KCP: variants seen among roughly 807,000 people sequenced by gnomAD.
The protein encoded by KCP is kielin/chordin-like protein.
KCP carries 194 observed loss-of-function variants against 212.7 expected under a neutral mutation model. The observed-to-expected ratio is 0.91, with a 90% CI of 0.81 to 1.03. The LOEUF (loss-of-function observed/expected upper bound fraction) is 1.03. KCP is among the 50% of genes least tolerant of loss of function. The pLI, the probability that KCP is intolerant of heterozygous loss-of-function variation, is 0.00. For synonymous variants in KCP, 833 were observed against 865.3 expected, an observed-to-expected ratio of 0.96 and a Z score of 0.65; for missense variants, 2,080 against 2,162.5, an observed-to-expected ratio of 0.96 and a Z score of 0.76.
At position 128,882,117 on chromosome 7, in the gene KCP, C is replaced by T. The variant is rs1031395683; in HGVS notation, c.3245-101G>A. The T allele has an allele frequency of 3.9e-5, 32 of 815,036 alleles. No individual in the cohort carries two copies. The Admixed American group carries it at 7.4e-4, about 19-fold the overall frequency. 50.5% of individuals were successfully genotyped at this position (815,036 alleles called of 1,614,324 possible). On this transcript the variant is annotated intron_variant, in intron 29 of 39. Coordinates refer to ENST00000610776, the MANE Select transcript of KCP (RefSeq NM_001366122.1). ...TGTGTCCCCAGGTTTCTAACTCGAA[C>T]TCCTGAGCATACCCATATCCCAGCA...
intron 8 of KCP, 128 bp downstream of exon 8, chr7:128,902,649 A>T: frequency 1.2e-6 from 1 of 830,288 alleles, no homozygotes; most frequent in Non-Finnish European, 1.9e-6. Flanking sequence ...CCCAGCAGAC[A>T]GCGCCTAGGT....
chr7:128,884,295 C>G (rs966568187), intron 28 of KCP, among the ~76,000 whole-genome samples, 173 bp from the exon 29 acceptor site: 3 of 152,248 alleles, frequency 2.0e-5, no homozygotes, highest in African/African-American at 7.2e-5. Context: ...GCTCCTCACC[C>G]CATGCCCTAG....
In KCP at chr7:128,877,742, C is replaced by A. The variant is rs1183271563; in HGVS notation, c.4360G>T (p.Val1454Leu). 4.5e-6 allele frequency: 7 copies of A among 1,550,612 alleles called. No individual in the cohort carries two copies. Among genetic ancestry groups the A allele is most frequent in the Non-Finnish European group, 6.1e-6 (7 of 1,146,952 alleles). ...TAACCTGCTGCCCGGCACGGATCCA[C>A]CTCTCGGCCTGCAGAACAGGGCCGG... ...PGRPCSAGRE[V>L]DPCRAAGYRA... Residue 1454 changes from valine (V) to leucine (L), a missense_variant, in exon 39 of 40, where the codon GTG (valine) becomes TTG (leucine). Coordinates refer to ENST00000610776, the MANE Select transcript of KCP (RefSeq NM_001366122.1).
At chr7:128,888,273 T>G (rs1014816925) in intron 22 of KCP, among the ~76,000 whole-genome samples, 2 of 108,276 alleles carry the variant, frequency 1.8e-5, no homozygotes, top group Admixed American at 1.8e-4. Context: ...CAGACACACA[T>G]ACACTGTCAC....
In KCP at chr7:128,893,383, C is replaced by G; in HGVS notation, c.1185+8G>C. ...GCAGATCTGGGTGTGAGCGGAGGGA[C>G]CGCCTACCTGGCAGGAGCAGCGGAC... On this transcript the variant is annotated splice_region_variant and intron_variant, in intron 12 of 39. Coordinates refer to ENST00000610776, the MANE Select transcript of KCP (RefSeq NM_001366122.1). The G allele has an allele frequency of 1.3e-6, 2 of 1,551,636 alleles. No homozygotes were observed. The highest frequency in any genetic ancestry group is 1.7e-6 in the Non-Finnish European group (2 of 1,146,936).
chr7:128,878,870 C>T, intron 37 of KCP, 148 bp from the exon 38 acceptor site: 1 of 796,510 alleles, frequency 1.3e-6, no homozygotes, highest in Non-Finnish European at 1.9e-6. Flanking sequence ...TTGGAAGAAA[C>T]ACCACCCTGG....
At position 128,893,608 on chromosome 7, in the gene KCP, GC is replaced by G. The variant is rs984620028; in HGVS notation, c.1100-133del. Reference sequence around the variant, plus strand: ...AGTTCTCCAGGGCGCCCTGCCAGCAGCCCCCTGCCCCCCACAGCTATGCCAC... The same window carrying G: ...AGTTCTCCAGGGCGCCCTGCCAGCAGCCCCTGCCCCCCACAGCTATGCCAC... On this transcript the variant is annotated intron_variant, in intron 11 of 39. Transcript: ENST00000610776. 1.1e-4 allele frequency: 102 copies of G among 949,638 alleles called. No individual in the cohort carries two copies. In the African/African-American group the frequency reaches 1.4e-3, roughly 13 times the overall value. The allele number at this position is 949,638 out of a possible 1,614,324, so 58.8% of individuals were successfully genotyped here.
At chr7:128,881,579 C>A in intron 31 of KCP, 47 bp downstream of exon 31, 1 of 1,343,772 alleles carries the variant, frequency 7.4e-7, no homozygotes. Context: ...TTCCTGTGTT[C>A]CCCCTGGGCT....
chr7:128,884,531 C>T (rs1398946829), intron 28 of KCP, among the ~76,000 whole-genome samples: 2 of 152,326 alleles, frequency 1.3e-5, no homozygotes, highest in East Asian at 1.9e-4. Context: ...CCATACACAC[C>T]CGCCCTGCAC....
At chr7:128,888,448 CCACACACACACAGAGCAA>C (rs1450260100) in intron 22 of KCP, among the ~76,000 whole-genome samples, 7 of 114,800 alleles carry the variant, frequency 6.1e-5, no homozygotes, top group African/African-American at 1.0e-4. Context: ...ATACACACGG[CCACACACACACAGAGCAA>C]CACACACACA....
At position 128,880,660 on chromosome 7, in the gene KCP, G is replaced by T; in HGVS notation, c.3575C>A (p.Ala1192Glu). The T allele has an allele frequency of 1.3e-6, 1 of 746,146 alleles. No individual in the cohort carries two copies. Among genetic ancestry groups the T allele is most frequent in the Non-Finnish European group, 1.9e-6 (1 of 512,936 alleles). 46.2% of individuals were successfully genotyped at this position (746,146 alleles called of 1,614,324 possible). A position where few individuals can be genotyped will look rare whatever the true frequency, so the allele number is the denominator to read the frequency against. The part of the protein sequence containing the change: ...CQALSCPHGW[A>E]KVPQADSCCE... ...GCAGCTGTCAGCCTGGGGCACCTTC[G>T]CCCAGCCATGGGGGCAGGAGAGGGC... Residue 1192 changes from alanine (A) to glutamate (E), a missense_variant, in exon 33 of 40, where the codon GCG (alanine) becomes GAG (glutamate). Coordinates refer to ENST00000610776, the MANE Select transcript of KCP (RefSeq NM_001366122.1).
chr7:128,896,222 C>A (rs927031436), intron 8 of KCP, among the ~76,000 whole-genome samples: 2 of 152,172 alleles, frequency 1.3e-5, no homozygotes, highest in African/African-American at 4.8e-5. Flanking sequence ...GACTGGCGGA[C>A]TGTGGGTAAG....
At position 128,894,211 on chromosome 7, in the gene KCP, G is replaced by C. The variant is rs1057457342; in HGVS notation, c.914C>G (p.Pro305Arg). The C allele has an allele frequency of 6.5e-7, 1 of 1,534,552 alleles. No homozygotes were observed. The highest frequency in any genetic ancestry group is 8.8e-7 in the Non-Finnish European group (1 of 1,136,232). The stretch of plus-strand genomic sequence containing the variant: ...ACCCACTGACTCACCATCACACACA[G>C]GGCAGCAGGTGCCTGGGAGGGGCCG... The part of the protein sequence containing the change: ...PARPLPGTCC[P>R]VCDGCFLNGR... Residue 305 changes from proline (P) to arginine (R), a missense_variant, in exon 9 of 40, where the codon CCT becomes CGT. Pro to Arg is a moderately radical substitution (Grantham distance 103). Transcript: ENST00000610776.
chr7:128,887,581 C>T (rs1262852068), intron 22 of KCP, among the ~76,000 whole-genome samples: 3 of 149,196 alleles, frequency 2.0e-5, no homozygotes, highest in African/African-American at 7.6e-5. Flanking sequence ...GCCCCTCCCC[C>T]TCCACACATA....
chr7:128,908,826 GC>G (rs1234910543), intron 1 of KCP, among the ~76,000 whole-genome samples: 1 of 152,182 alleles, frequency 6.6e-6, no homozygotes, highest in Non-Finnish European at 1.5e-5. Context: ...AACATGAGCA[GC>G]CCCCATCCCC....
At position 128,910,652 on chromosome 7, in the gene KCP, G is replaced by A. The variant is rs1325885092; in HGVS notation, c.25C>T (p.Leu9=). ...GCCCCGAGGTGCAGGAGAAGGGACAGCGCAGCGGCCCCGACCCCGGCCATG... is the reference window on the plus strand; with the variant it reads ...GCCCCGAGGTGCAGGAGAAGGGACAACGCAGCGGCCCCGACCCCGGCCATG... The part of the protein sequence containing the change: MAGVGAAA[L]SLLLHLGALA... The change falls in exon 1 of 40, where the codon CTG becomes TTG. Residue 9 remains leucine (L), a synonymous_variant. Transcript: ENST00000610776. 2.0e-6 allele frequency: 3 copies of A among 1,511,912 alleles called. No individual in the cohort carries two copies. The highest frequency in any genetic ancestry group is 1.4e-5 in the African/African-American group (1 of 69,756). 93.7% of individuals were successfully genotyped at this position (1,511,912 alleles called of 1,614,324 possible).
rs182779184 is a variant in KCP, at chr7:128,890,198, G to C, written c.2335+145C>G. 4.3e-5 allele frequency: 63 copies of C among 1,478,716 alleles called. No homozygotes were observed. The East Asian group carries it at 8.7e-4, about 20-fold the overall frequency. The allele number at this position is 1,478,716 out of a possible 1,614,324, so 91.6% of individuals were successfully genotyped here. On this transcript the variant is annotated intron_variant, in intron 21 of 39. Transcript: ENST00000610776. ...GCCTCCCAAATTGTCGGGGTCACAG[G>C]CTTCAGCTAGGGCTCCCAGCCTCGG...
Position 128,877,013 on chromosome 7 carries a change from T to G in KCP, c.*30A>C, listed in dbSNP as rs548714175. Reference sequence around the variant, plus strand: ...GCTCGCCAAGGGGAGACTCCTGGCCTGATGAACCCTTATCAGGCACTGTCC... The same window carrying G: ...GCTCGCCAAGGGGAGACTCCTGGCCGGATGAACCCTTATCAGGCACTGTCC... On this transcript the variant is annotated 3_prime_UTR_variant, in exon 40 of 40. Coordinates refer to ENST00000610776, the MANE Select transcript of KCP (RefSeq NM_001366122.1). The G allele has an allele frequency of 1.5e-4, 237 of 1,534,840 alleles. 1 individual carries two copies. In the African/African-American group the frequency reaches 2.9e-3, roughly 19 times the overall value.
intron 22 of KCP, among the ~76,000 whole-genome samples, chr7:128,888,445 CG>C (rs1476314286): frequency 1.3e-5 from 2 of 149,954 alleles, no homozygotes; most frequent in African/African-American, 4.9e-5. Flanking sequence ...CATATACACA[CG>C]GCCACACACA....
Sources: allele counts gnomAD v4.1 joint callset (sites outside exome capture counted in the v4.1 genomes callset), GRCh38; gene constraint gnomAD v4.1.1; transcripts MANE v1.5; gene names NCBI Gene and HGNC (gene_info 2026-07-23, HGNC 2026-07-21).